The following DIP2B variants were observed in gnomAD, a reference collection of about 807,000 sequenced individuals.
DIP2B encodes DIP2 acetate--CoA ligase B (putative), also known as disco-interacting protein 2 homolog B.
A neutral mutation model predicts 198.0 loss-of-function variants in DIP2B; 76 were observed. The ratio of observed to expected loss-of-function variants is 0.38; its 90% CI spans 0.32 to 0.46. The LOEUF is 0.46. Among genes scored for constraint, DIP2B ranks in the 20% least tolerant of loss-of-function variants. DIP2B has a pLI of 0.99. For synonymous variants in DIP2B, 701 were observed against 739.1 expected, an observed-to-expected ratio of 0.95 and a Z score of 0.84; for missense variants, 1,559 against 1,978.4, an observed-to-expected ratio of 0.79 and a Z score of 4.02.
intron 19 of DIP2B, among the ~76,000 whole-genome samples, chr12:50,702,230 C>A (rs942306896): frequency 1.3e-5 from 2 of 152,138 alleles, no homozygotes; most frequent in African/African-American, 4.8e-5. Context: ...CCTGTAGTCC[C>A]AGCTACTCGG....
At chr12:50,557,035 C>T (rs1029161858) in intron 1 of DIP2B, among the ~76,000 whole-genome samples, 5 of 152,020 alleles carry the variant, frequency 3.3e-5, no homozygotes, top group African/African-American at 4.8e-5. Context: ...TTAATGAAGA[C>T]AGGATTTCAC....
At chr12:50,600,412 A>G (rs777788981) in intron 1 of DIP2B, among the ~76,000 whole-genome samples, 2 of 152,202 alleles carry the variant, frequency 1.3e-5, no homozygotes, top group Non-Finnish European at 2.9e-5. Flanking sequence ...GTGGGTATCA[A>G]TAATACTTTG....
chr12:50,561,411 A>G (rs563330279), intron 1 of DIP2B, among the ~76,000 whole-genome samples: 9 of 152,048 alleles, frequency 5.9e-5, no homozygotes, highest in Non-Finnish European at 1.3e-4. Context: ...ATCTTAGGTG[A>G]TGGCTTTCAC....
chr12:50,689,253 A>G (rs1939182286), intron 12 of DIP2B, among the ~76,000 whole-genome samples: 1 of 151,612 alleles, frequency 6.6e-6, no homozygotes, highest in Non-Finnish European at 1.5e-5. Flanking sequence ...ACAAAAATTA[A>G]CCGGGTGTGG....
In DIP2B at chr12:50,727,783, T is replaced by A; in HGVS notation, c.3481T>A (p.Ser1161Thr). The change falls in exon 29 of 38, where the codon TCC becomes ACC. Residue 1161 changes from serine (S) to threonine (T), a missense_variant. Coordinates refer to ENST00000301180, the MANE Select transcript of DIP2B (RefSeq NM_173602.3). Reference protein sequence around the residue: ...EMLAYLDFSVSTTGMLTGVKM... With the variant: ...EMLAYLDFSVTTTGMLTGVKM... ...GTTGGCATATCTTGATTTTAGTGTC[T>A]CCACAACTGGCATGCTTACAGGAGT... The A allele has an allele frequency of 6.2e-7, 1 of 1,614,122 alleles. No homozygotes were observed. The highest frequency in any genetic ancestry group is 8.5e-7 in the Non-Finnish European group (1 of 1,180,006).
chr12:50,587,003 G>C (rs989576481), intron 1 of DIP2B, among the ~76,000 whole-genome samples: 4 of 152,208 alleles, frequency 2.6e-5, no homozygotes, highest in African/African-American at 9.6e-5. Flanking sequence ...AAACAGAAGA[G>C]GGAATGATAT....
intron 11 of DIP2B, 58 bp from the exon 12 acceptor site, chr12:50,686,515 T>C: frequency 6.8e-7 from 1 of 1,469,628 alleles, no homozygotes; most frequent in Non-Finnish European, 9.5e-7. Flanking sequence ...ACCAGTTCAG[T>C]GTGAATTCAT....
At chr12:50,650,963 C>A (rs1238193244) in intron 3 of DIP2B, among the ~76,000 whole-genome samples, 1 of 152,188 alleles carries the variant, frequency 6.6e-6, no homozygotes, top group Admixed American at 6.5e-5. Context: ...AAATCCTCTT[C>A]AACACGTATT....
intron 1 of DIP2B, among the ~76,000 whole-genome samples, chr12:50,563,163 G>A (rs1219234623): frequency 6.6e-6 from 1 of 152,146 alleles, no homozygotes; most frequent in South Asian, 2.1e-4. Context: ...CTTAAGTTTT[G>A]TTGAGATGTA....
rs1184398413 is a variant in DIP2B at position 50,505,046 on chromosome 12, G to C, written c.-95G>C. 1 of 1,140,986 alleles carries C rather than the reference G, an allele frequency of 8.8e-7. No homozygotes were observed. The highest frequency in any genetic ancestry group is 1.2e-6 in the Non-Finnish European group (1 of 813,328). 70.7% of individuals were successfully genotyped at this position (1,140,986 alleles called of 1,614,324 possible). ...GCGGTGCTGGTGGTGCTCGGCGGCC[G>C]GAGCCGGATCCTGTAGCCGGGTGTG... On this transcript the variant is annotated 5_prime_UTR_variant, in exon 1 of 38. Coordinates refer to ENST00000301180, the MANE Select transcript of DIP2B (RefSeq NM_173602.3).
At chr12:50,718,367 A>C (rs890937425) in intron 23 of DIP2B, among the ~76,000 whole-genome samples, 1 of 152,198 alleles carries the variant, frequency 6.6e-6, no homozygotes, top group African/African-American at 2.4e-5. Flanking sequence ...GCAACCAGCT[A>C]TCACCTCCTC....
At chr12:50,600,139 G>A (rs1194327500) in intron 1 of DIP2B, among the ~76,000 whole-genome samples, 1 of 152,188 alleles carries the variant, frequency 6.6e-6, no homozygotes, top group Non-Finnish European at 1.5e-5. Context: ...CAGAGTAGGA[G>A]ACAAGTAAAT....
chr12:50,678,755 C>G lies in DIP2B; in HGVS notation c.993C>G (p.Val331=). ...MTPVKGEPLG[V]ICNWPPALES... ...CTGTGAAAGGAGAGCCTTTAGGAGT[C>G]ATCTGTAACTGGCCTCCTGCTCTTG... The change falls in exon 8 of 38, where the codon GTC becomes GTG. Residue 331 remains valine, a synonymous_variant. Transcript: ENST00000301180. 6.2e-7 allele frequency: 1 copy of G among 1,614,222 alleles called. No individual in the cohort carries two copies.
At chr12:50,634,231 G>A (rs768871498) in intron 2 of DIP2B, among the ~76,000 whole-genome samples, 5 of 152,134 alleles carry the variant, frequency 3.3e-5, no homozygotes, top group African/African-American at 7.2e-5. Flanking sequence ...TGGCGTGGCC[G>A]AAAGAATTGA....
chr12:50,606,978 A>G (rs976041831), intron 1 of DIP2B, among the ~76,000 whole-genome samples: 3 of 151,720 alleles, frequency 2.0e-5, no homozygotes, highest in African/African-American at 7.3e-5. Context: ...TAATTTTTGT[A>G]TTTTTTGTAG....
At chr12:50,690,467 C>G (rs1430509853) in intron 12 of DIP2B, among the ~76,000 whole-genome samples, 1 of 152,140 alleles carries the variant, frequency 6.6e-6, no homozygotes, top group East Asian at 1.9e-4. Context: ...GGGAGGATTG[C>G]TTGAGCCCAG....
rs1939832943 is a variant in DIP2B, at chr12:50,721,343, G to A, written c.3113G>A (p.Gly1038Asp). The change falls in exon 26 of 38, where the codon GGT becomes GAT. Residue 1038 changes from glycine (G) to aspartate (D), a missense_variant. By Grantham distance (94) the Gly-to-Asp change is moderately conservative. Coordinates refer to ENST00000301180, the MANE Select transcript of DIP2B (RefSeq NM_173602.3). ...KRAERIASVL[G>D]DKGHLNAGDN... is the part of the protein sequence containing the mutation. Reference sequence around the variant, plus strand: ...GCAGAGAGGATTGCATCTGTTCTTGGTGATAAGGGACATCTAAATGCAGGA... The same window carrying A: ...GCAGAGAGGATTGCATCTGTTCTTGATGATAAGGGACATCTAAATGCAGGA... 2 of 1,614,174 alleles carry A rather than the reference G, an allele frequency of 1.2e-6. No homozygotes were observed. Among genetic ancestry groups the A allele is most frequent in the Non-Finnish European group, 1.7e-6 (2 of 1,180,026 alleles).
intron 25 of DIP2B, 131 bp from the exon 26 acceptor site, chr12:50,721,142 A>G (rs1431326111): frequency 1.8e-5 from 24 of 1,356,280 alleles, no homozygotes; most frequent in Non-Finnish European, 2.2e-5. Flanking sequence ...AATTTTCACT[A>G]GAATTGATAA....
At chr12:50,719,841 A>G (rs1592141930) in intron 25 of DIP2B, among the ~76,000 whole-genome samples, 2 of 149,246 alleles carry the variant, frequency 1.3e-5, no homozygotes, top group East Asian at 1.9e-4. Flanking sequence ...ACCCTGTCTC[A>G]AAAATAAAAA....
Sources: allele counts gnomAD v4.1 joint callset (sites outside exome capture counted in the v4.1 genomes callset), GRCh38; gene constraint gnomAD v4.1.1; transcripts MANE v1.5; gene names NCBI Gene and HGNC (gene_info 2026-07-23, HGNC 2026-07-21).